Variants in CNOT1 observed in about 807,000 individuals in gnomAD.
The protein encoded by CNOT1 is CCR4-associated factor 1.
Under a neutral mutation model 273.8 loss-of-function variants are expected in CNOT1, and 15 were observed. The ratio of observed to expected loss-of-function variants is 0.05; its 90% CI spans 0.04 to 0.08. The LOEUF is 0.08. Among genes scored for constraint, CNOT1 ranks in the 10% least tolerant of loss-of-function variants. The probability of loss-of-function intolerance (pLI) is 1.00; values close to 1 mark genes in which losing one functional copy is unlikely to be tolerated. For synonymous variants in CNOT1, 1,022 were observed against 1,005.5 expected (o/e 1.02, Z -0.31); for missense variants, 1,644 against 2,912.2 (o/e 0.56, Z 10.02).
chr16:58,627,625 A>C (rs1363286396), intron 1 of CNOT1, among the ~76,000 whole-genome samples: 1 of 151,972 alleles, frequency 6.6e-6, no homozygotes, highest in African/African-American at 2.4e-5. Context: ...TGTTAAAGAG[A>C]CTAGGATCTA....
At chr16:58,555,722 A>T in intron 20 of CNOT1, 62 bp downstream of exon 20, 1 of 1,599,204 alleles carries the variant, frequency 6.3e-7, no homozygotes, top group East Asian at 2.2e-5. Context: ...AAAAACATTG[A>T]AAAGGACATT....
In CNOT1 at chr16:58,537,226, A is replaced by C. The variant is rs2039952214; in HGVS notation, c.5415-6T>G. On this transcript the variant is annotated splice_region_variant and splice_polypyrimidine_tract_variant and intron_variant, in intron 38 of 48. Transcript: ENST00000317147. ...CTTCCATCAGCTGGGGCAATCTAGC[A>C]CAATAAATAAAGGGTGAAAATCAGT... is the stretch of plus-strand genomic sequence containing the variant. 6.3e-7 allele frequency: 1 copy of C among 1,577,288 alleles called. No homozygotes were observed. The highest frequency in any genetic ancestry group is 1.4e-5 in the African/African-American group (1 of 73,694).
At chr16:58,579,235 A>T (rs2041570418) in intron 12 of CNOT1, among the ~76,000 whole-genome samples, 1 of 152,238 alleles carries the variant, frequency 6.6e-6, no homozygotes. Context: ...CATGGGGTAG[A>T]CTAGAGAACA....
At chr16:58,619,894 C>A (rs9940386) in intron 1 of CNOT1, among the ~76,000 whole-genome samples, 9 of 151,808 alleles carry the variant, frequency 5.9e-5, no homozygotes, top group Non-Finnish European at 1.3e-4. Context: ...AAGAAATTGC[C>A]AAGATGTAAA....
rs758331213 is a variant in CNOT1, at chr16:58,555,320, G to C, written c.2822C>G (p.Ala941Gly). Reference sequence around the variant, plus strand: ...TTTGGATCCAAAAGGCTTGCGTAAGGCTTCAAGAACATATCGTAGAGCCAG... The same window carrying C: ...TTTGGATCCAAAAGGCTTGCGTAAGCCTTCAAGAACATATCGTAGAGCCAG... ...LGLALRYVLE[A>G]LRKPFGSKMY... The change falls in exon 21 of 49, where the codon GCC becomes GGC. Residue 941 changes from alanine to glycine, a missense_variant. By Grantham distance (60) the Ala-to-Gly change is moderately conservative (BLOSUM62 0). This residue lies in a region of CNOT1 where 74 missense variants were observed against 184.6 expected (regional missense o/e 0.40). Coordinates refer to ENST00000317147, the MANE Select transcript of CNOT1 (RefSeq NM_016284.5). 1 of 1,614,144 alleles carries C rather than the reference G, an allele frequency of 6.2e-7. No individual in the cohort carries two copies. Among genetic ancestry groups the C allele is most frequent in the Admixed American group, 1.7e-5 (1 of 60,016 alleles).
chr16:58,547,513 T>A lies in CNOT1; in HGVS notation c.3639+53A>T. On this transcript the variant is annotated intron_variant, in intron 26 of 48. Coordinates refer to ENST00000317147, the MANE Select transcript of CNOT1 (RefSeq NM_016284.5). This position sits in a 1 kb window ranked among gnomAD's most constrained non-coding sequence, Gnocchi z 4.0. The stretch of plus-strand genomic sequence containing the variant: ...AATAGCTCCAAACAGCCAATACTTG[T>A]AATCATAATGTGCTGAAGATTCTCA... 1 of 1,565,330 alleles carries A rather than the reference T, an allele frequency of 6.4e-7. No individual in the cohort carries two copies. Among genetic ancestry groups the A allele is most frequent in the South Asian group, 1.2e-5 (1 of 84,386 alleles).
At chr16:58,549,007 G>A (rs2151926817) in intron 25 of CNOT1, among the ~76,000 whole-genome samples, 1 of 152,300 alleles carries the variant, frequency 6.6e-6, no homozygotes, top group South Asian at 2.1e-4. Flanking sequence ...AAAGAGGACT[G>A]GCCGGGCACA....
At chr16:58,523,011 T>C (rs2039460248) in intron 47 of CNOT1, 1 of 157,610 alleles carries the variant, frequency 6.3e-6, no homozygotes, top group Non-Finnish European at 1.4e-5. Flanking sequence ...TTTGGGAGGC[T>C]GAGGCGGGTG....
At chr16:58,538,114 C>G in intron 37 of CNOT1, 44 bp downstream of exon 37, 2 of 1,612,714 alleles carry the variant, frequency 1.2e-6, no homozygotes, top group Non-Finnish European at 1.7e-6. Context: ...AGCAAACGTA[C>G]TTCCCTGAGT....
In CNOT1 at chr16:58,585,510, A is replaced by C. The variant is rs763944444; in HGVS notation, c.638-4T>G. The C allele has an allele frequency of 6.2e-7, 1 of 1,610,976 alleles. No homozygotes were observed. Among genetic ancestry groups the C allele is most frequent in the South Asian group, 1.1e-5 (1 of 90,778 alleles). ...GGACAGCGTTCTTGGGGAAAATCTG[A>C]GAGAGGAAAAAGGTTACAACTGCTA... On this transcript the variant is annotated splice_polypyrimidine_tract_variant and splice_region_variant and intron_variant, in intron 7 of 48. Transcript: ENST00000317147.
At position 58,532,073 on chromosome 16, in the gene CNOT1, T is replaced by G; in HGVS notation, c.6062A>C (p.Asn2021Thr). 1 of 1,614,040 alleles carries G rather than the reference T, an allele frequency of 6.2e-7. No homozygotes were observed. The highest frequency in any genetic ancestry group is 8.5e-7 in the Non-Finnish European group (1 of 1,180,014). Residue 2021 changes from asparagine (N) to threonine (T), a missense_variant and splice_region_variant, in exon 42 of 49, where the codon AAT (asparagine) becomes ACT (threonine). Transcript: ENST00000317147. ...GGTAGGCCTCAAGATGTGGAATGTA[T>G]TGCTGAAAGAAGAAAAACCTTAGTC... is the stretch of plus-strand genomic sequence containing the variant. ...INFQTLTAFCNTFHILRPTKA... is the reference protein window; with the variant it reads ...INFQTLTAFCTTFHILRPTKA...
intron 44 of CNOT1, chr16:58,528,064 G>C (rs1371395153): frequency 2.3e-6 from 1 of 439,724 alleles, no homozygotes; most frequent in Non-Finnish European, 4.5e-6. Flanking sequence ...AGTAAGCCGA[G>C]ACTGCACCAC....
chr16:58,563,817 G>A (rs573052202), intron 16 of CNOT1, among the ~76,000 whole-genome samples: 4 of 152,278 alleles, frequency 2.6e-5, no homozygotes, highest in East Asian at 1.9e-4. Flanking sequence ...AAAATTTTGC[G>A]ATACCTAACA....
chr16:58,584,081 T>C (rs1176625484), intron 8 of CNOT1, among the ~76,000 whole-genome samples: 1 of 148,514 alleles, frequency 6.7e-6, no homozygotes, highest in Non-Finnish European at 1.5e-5. Context: ...GGCAGGAAAA[T>C]CACTTGAACC....
chr16:58,525,767 ACTGT>A (rs1232190681), intron 45 of CNOT1, among the ~76,000 whole-genome samples: 4 of 152,338 alleles, frequency 2.6e-5, no homozygotes, highest in South Asian at 2.1e-4. Context: ...ACAGCTAATG[ACTGT>A]CTGTGGTCTA....
rs1275077598 is a variant in CNOT1, at chr16:58,542,512, C to G, written c.4491G>C (p.Gln1497His). 6 of 1,493,854 alleles carry G rather than the reference C, an allele frequency of 4.0e-6. No individual in the cohort carries two copies. Among genetic ancestry groups the G allele is most frequent in the Non-Finnish European group, 5.4e-6 (6 of 1,111,790 alleles). The allele number at this position is 1,493,854 out of a possible 1,614,324, so 92.5% of individuals were successfully genotyped here. Residue 1497 changes from glutamine (Q) to histidine (H), a missense_variant, in exon 32 of 49, where the codon CAG becomes CAC. Gln to His is a conservative substitution (Grantham distance 24). Around this residue, in one of 13 missense-constraint regions of CNOT1, gnomAD observed 133 missense variants for 230.4 expected, o/e 0.58. Coordinates refer to ENST00000317147, the MANE Select transcript of CNOT1 (RefSeq NM_016284.5). ...AACAGCAAGCCAACTCACAATTGTCCTGAGCTAATTGAGCAGCTGCCTGAT... is the reference window on the plus strand; with the variant it reads ...AACAGCAAGCCAACTCACAATTGTCGTGAGCTAATTGAGCAGCTGCCTGAT... ...MMDQAAAQLA[Q>H]DNCELACCFI...
chr16:58,545,101 A>C (rs948266120), intron 30 of CNOT1, among the ~76,000 whole-genome samples: 3 of 152,218 alleles, frequency 2.0e-5, no homozygotes, highest in African/African-American at 7.2e-5. Flanking sequence ...GGAGATTGTG[A>C]TTTTATTGCT....
chr16:58,573,067 G>C (rs28831453), intron 16 of CNOT1, among the ~76,000 whole-genome samples: 59,305 of 151,710 alleles, frequency 0.39, 12,978 homozygotes, highest in African/African-American at 0.59. Context: ...AGCACTTTGG[G>C]AGGCTGAGGT....
rs138818326 is a variant in CNOT1, at chr16:58,579,534, C to T, written c.1344-595G>A. The stretch of plus-strand genomic sequence containing the variant: ...GAAACACTACTATATACACTAGACT[C>T]ATAAGGAAAAAAATAAGCAATTTTT... On this transcript the variant is annotated intron_variant, in intron 12 of 48. Transcript: ENST00000317147. Among the ~76,000 whole-genome samples the T allele has an allele frequency of 4.6e-3, 705 of 152,096 alleles. 5 individuals are homozygous for T. The highest frequency in any genetic ancestry group is 0.016 in the African/African-American group (653 of 41,512).
Sources: allele counts gnomAD v4.1 joint callset (sites outside exome capture counted in the v4.1 genomes callset), GRCh38; gene constraint gnomAD v4.1.1; regional missense constraint gnomAD v4.1.1; non-coding constraint Gnocchi (gnomAD v3.1); transcripts MANE v1.5; gene names NCBI Gene and HGNC (gene_info 2026-07-23, HGNC 2026-07-21).